HAO1: variants seen among roughly 807,000 people sequenced by gnomAD.
HAO1 encodes hydroxyacid oxidase 1.
HAO1 carries 34 observed loss-of-function variants against 39.7 expected under a neutral mutation model. The observed-to-expected ratio is 0.86, with a 90% confidence interval of 0.65 to 1.14. The LOEUF (loss-of-function observed/expected upper bound fraction) is 1.14, where lower values mean the gene tolerates loss of function less well. HAO1 is among the 50% of genes most tolerant of loss of function. The probability of loss-of-function intolerance (pLI) is 0.00; values close to 1 mark genes in which losing one functional copy is unlikely to be tolerated. For synonymous variants in HAO1, 172 were observed against 173.2 expected, an observed-to-expected ratio of 0.99 and a Z score of 0.05; for missense variants, 479 against 464.5, an observed-to-expected ratio of 1.03 and a Z score of -0.29.
chr20:7,919,553 G>A (rs896349485), intron 2 of HAO1, among the ~76,000 whole-genome samples: 1 of 152,074 alleles, frequency 6.6e-6, no homozygotes, highest in African/African-American at 2.4e-5. Flanking sequence ...ACAACAACAG[G>A]GTAGAATGGA....
intron 2 of HAO1, among the ~76,000 whole-genome samples, chr20:7,931,503 C>G (rs1021549288): frequency 1.3e-5 from 2 of 152,064 alleles, no homozygotes; most frequent in Non-Finnish European, 2.9e-5. Flanking sequence ...CTGGCGTGTA[C>G]CTCAGTTTCT....
rs562810624 is a variant in HAO1 at position 7,927,262 on chromosome 20, T to A, written c.289+7222A>T. 2.6e-5 allele frequency among the ~76,000 whole-genome samples: 4 copies of A among 152,330 alleles called. No homozygotes were observed. In the East Asian group the frequency reaches 7.7e-4, roughly 29 times the overall value. On this transcript the variant is annotated intron_variant, in intron 2 of 7. Coordinates refer to ENST00000378789, the MANE Select transcript of HAO1 (RefSeq NM_017545.3). ...GGAAGACTAAAATTTAGCCTAATGA[T>A]ACCACCTATTTTATATGTGTTAGCA...
chr20:7,909,385 A>ATATATATATATATATATATGTG (rs2050266487), intron 3 of HAO1, among the ~76,000 whole-genome samples: 1 of 112,610 alleles, frequency 8.9e-6, no homozygotes, highest in African/African-American at 3.9e-5. Flanking sequence ...ATATGTATAT[A>ATATATATATATATATATATGTG]TATATATATA....
rs2050248484 is a variant in HAO1 at position 7,906,409 on chromosome 20, A to T, written c.546-80T>A. On this transcript the variant is annotated intron_variant, in intron 3 of 7. Coordinates refer to ENST00000378789, the MANE Select transcript of HAO1 (RefSeq NM_017545.3). ...AATGATTCATTCAATGAAAAATGTT[A>T]CCCTTTTCAAATCAATTGGCTGTTC... 3.8e-6 allele frequency: 3 copies of T among 795,456 alleles called. No homozygotes were observed. In the Admixed American group the frequency reaches 6.9e-5, roughly 18 times the overall value. The allele number at this position is 795,456 out of a possible 1,614,324, so 49.3% of individuals were successfully genotyped here.
chr20:7,911,670 C>A (rs1391971293), intron 3 of HAO1, among the ~76,000 whole-genome samples: 1 of 152,132 alleles, frequency 6.6e-6, no homozygotes, highest in Non-Finnish European at 1.5e-5. Flanking sequence ...TCTTGCTGGG[C>A]CCAGATGCCA....
At chr20:7,883,734 A>G (rs1600103144) in intron 7 of HAO1, 71 bp from the exon 8 acceptor site, 2 of 1,228,972 alleles carry the variant, frequency 1.6e-6, no homozygotes, top group East Asian at 4.7e-5. Context: ...CGTTTTCCCA[A>G]GGAATGTAAA....
At chr20:7,915,084 C>T (rs1381256038) in intron 2 of HAO1, among the ~76,000 whole-genome samples, 1 of 152,166 alleles carries the variant, frequency 6.6e-6, no homozygotes, top group Non-Finnish European at 1.5e-5. Flanking sequence ...TGCAGCATTG[C>T]GCTCTAGCCT....
intron 4 of HAO1, among the ~76,000 whole-genome samples, chr20:7,903,664 T>C (rs951185291): frequency 6.7e-6 from 1 of 149,366 alleles, no homozygotes. Context: ...GTGGTGGTGG[T>C]GGCAGTGGTG....
chr20:7,914,226 T>A lies in HAO1; in HGVS notation c.483A>T (p.Thr161=), dbSNP rs878975925. Residue 161 remains threonine, a synonymous_variant, in exon 3 of 8, where the codon ACA becomes ACT. Transcript: ENST00000378789. ...GYKAIFVTVD[T]PYLGNRLDDV... ...CATCCAGACGGTTGCCCAGGTAAGGTGTGTCCACTGTCACAAATATGGCCT... is the reference window on the plus strand; with the variant it reads ...CATCCAGACGGTTGCCCAGGTAAGGAGTGTCCACTGTCACAAATATGGCCT... The A allele has an allele frequency of 6.2e-7, 1 of 1,613,884 alleles. No individual in the cohort carries two copies. The highest frequency in any genetic ancestry group is 1.1e-5 in the South Asian group (1 of 91,078).
chr20:7,907,721 T>C (rs992932938), intron 3 of HAO1, among the ~76,000 whole-genome samples: 10 of 152,094 alleles, frequency 6.6e-5, no homozygotes, highest in African/African-American at 2.4e-4. Context: ...GTGCCTGAGG[T>C]CTTTTCTCTT....
In HAO1 at chr20:7,883,577, A is replaced by G. The variant is rs748747952; in HGVS notation, c.*16T>C. The G allele has an allele frequency of 2.2e-5, 35 of 1,594,540 alleles. No individual in the cohort carries two copies. The highest frequency in any genetic ancestry group is 3.3e-4 in the Middle Eastern group (2 of 6,040). ...GCTGAAAAAAAATAATACAGATGGG[A>G]AAATATTGTGCACTGTCAGATCTTG... On this transcript the variant is annotated 3_prime_UTR_variant, in exon 8 of 8. Coordinates refer to ENST00000378789, the MANE Select transcript of HAO1 (RefSeq NM_017545.3).
chr20:7,906,701 G>C (rs2050250024), intron 3 of HAO1, among the ~76,000 whole-genome samples: 1 of 152,070 alleles, frequency 6.6e-6, no homozygotes, highest in Non-Finnish European at 1.5e-5. Flanking sequence ...AATTTAAAAA[G>C]CATTTTTATG....
chr20:7,884,486 AC>A (rs1423033330), intron 7 of HAO1, among the ~76,000 whole-genome samples: 15 of 152,202 alleles, frequency 9.9e-5, no homozygotes, highest in African/African-American at 3.6e-4. Context: ...TATTTTAAAC[AC>A]AGTAATCAGG....
At chr20:7,889,521 T>A (rs1387843151) in intron 5 of HAO1, among the ~76,000 whole-genome samples, 1 of 152,202 alleles carries the variant, frequency 6.6e-6, no homozygotes, top group Non-Finnish European at 1.5e-5. Context: ...CATGAGGTGA[T>A]AAGCGTATTT....
At chr20:7,908,264 C>A (rs1001408934) in intron 3 of HAO1, among the ~76,000 whole-genome samples, 1 of 151,902 alleles carries the variant, frequency 6.6e-6, no homozygotes, top group Non-Finnish European at 1.5e-5. Flanking sequence ...TAGTGGTGGG[C>A]ACGTGTAATC....
At chr20:7,936,296 T>C (rs919280135) in intron 1 of HAO1, among the ~76,000 whole-genome samples, 1 of 152,164 alleles carries the variant, frequency 6.6e-6, no homozygotes, top group African/African-American at 2.4e-5. Context: ...GCATGATTCT[T>C]TGATCTCCAT....
At chr20:7,935,723 A>C (rs1395669594) in intron 1 of HAO1, among the ~76,000 whole-genome samples, 1 of 152,220 alleles carries the variant, frequency 6.6e-6, no homozygotes, top group Non-Finnish European at 1.5e-5. Context: ...AGCAACCAAA[A>C]ATTCACCAGT....
At chr20:7,892,341 T>C (rs1398108275) in intron 5 of HAO1, among the ~76,000 whole-genome samples, 2 of 152,176 alleles carry the variant, frequency 1.3e-5, no homozygotes, top group African/African-American at 4.8e-5. Flanking sequence ...TGCCTTGGCC[T>C]CTGAAAGTGC....
rs751494083 is a variant in HAO1 at position 7,914,381 on chromosome 20, A to G, written c.328T>C (p.Trp110Arg). Residue 110 changes from tryptophan to arginine, a missense_variant, in exon 3 of 8, where the codon TGG (tryptophan) becomes CGG (arginine). Coordinates refer to ENST00000378789, the MANE Select transcript of HAO1 (RefSeq NM_017545.3). ...SLGTGMMLSS[W>R]ATSSIEEVAE... ...ACTTCTTCAATTGAGGAGGTGGCCC[A>G]GGAACTCAACATCATGCCCGTTCCC... 3 of 1,613,948 alleles carry G rather than the reference A, an allele frequency of 1.9e-6. No individual in the cohort carries two copies. The Admixed American group carries it at 5.0e-5, about 27-fold the overall frequency.
Sources: allele counts gnomAD v4.1 joint callset (sites outside exome capture counted in the v4.1 genomes callset), GRCh38; gene constraint gnomAD v4.1.1; transcripts MANE v1.5; gene names NCBI Gene and HGNC (gene_info 2026-07-23, HGNC 2026-07-21).